Variants in LRRC4C observed in about 807,000 individuals in gnomAD.
LRRC4C encodes the protein leucine rich repeat containing 4C, also known as leucine-rich repeat-containing protein 4C.
A neutral mutation model predicts 33.6 loss-of-function variants in LRRC4C; 5 were observed. The observed-to-expected ratio is 0.15, with a 90% CI of 0.08 to 0.31. The LOEUF (loss-of-function observed/expected upper bound fraction) is 0.31. Ranked by LOEUF, LRRC4C falls within the 10% of genes least tolerant of loss-of-function variation. The pLI, the probability that LRRC4C is intolerant of heterozygous loss-of-function variation, is 1.00. For missense variants in LRRC4C, 560 were observed against 796.7 expected, an observed-to-expected ratio of 0.70 and a Z score of 3.58; for synonymous variants, 329 against 302.0, an observed-to-expected ratio of 1.09 and a Z score of -0.93.
At chr11:41,006,673 AAAG>A (rs1349196215) in intron 1 of LRRC4C, among the ~76,000 whole-genome samples, 6 of 152,216 alleles carry the variant, frequency 3.9e-5, no homozygotes, top group Admixed American at 1.3e-4. Context: ...GGAAAAGGAG[AAAG>A]AAGAGGCAGA....
intron 2 of LRRC4C, among the ~76,000 whole-genome samples, chr11:40,890,629 G>A (rs1049315887): frequency 1.3e-5 from 2 of 152,118 alleles, no homozygotes; most frequent in Non-Finnish European, 2.9e-5. Context: ...TGTCATTGGT[G>A]AGGAGACCAT....
At position 40,475,287 on chromosome 11, in the gene LRRC4C, TCA is replaced by T. The variant is rs1312164828; in HGVS notation, c.-269-155568_-269-155567del. 4.4e-4 allele frequency among the ~76,000 whole-genome samples: 67 copies of T among 152,274 alleles called. 1 individual carries two copies. The highest frequency in any genetic ancestry group is 1.5e-3 in the African/African-American group (64 of 41,554). ...TATGCAGCCATAAAAAAGGAAAAGT[TCA>T]TGTTTTTTGCAGGGAGATGGATGAA... On this transcript the variant is annotated intron_variant, in intron 3 of 6. Coordinates refer to ENST00000528697, the MANE Select transcript of LRRC4C (RefSeq NM_001258419.2).
At chr11:40,843,367 C>A (rs1235857378) in intron 2 of LRRC4C, among the ~76,000 whole-genome samples, 2 of 152,074 alleles carry the variant, frequency 1.3e-5, no homozygotes, top group Non-Finnish European at 2.9e-5. Context: ...TAGAATTATT[C>A]TTTCATTTCC....
At chr11:40,476,289 T>C (rs1044207587) in intron 3 of LRRC4C, among the ~76,000 whole-genome samples, 1 of 152,062 alleles carries the variant, frequency 6.6e-6, no homozygotes, top group Non-Finnish European at 1.5e-5. Context: ...AAAAGAGTCT[T>C]GACTAACATC....
At chr11:40,633,338 T>TTTCG (rs1353145100) in intron 3 of LRRC4C, among the ~76,000 whole-genome samples, 1 of 28,494 alleles carries the variant, frequency 3.5e-5, no homozygotes, top group East Asian at 1.1e-3. Flanking sequence ...TCTTTCTTTC[T>TTTCG]TTCTTTCTTT....
At chr11:40,131,458 A>G (rs1856638447) in intron 6 of LRRC4C, among the ~76,000 whole-genome samples, 1 of 152,200 alleles carries the variant, frequency 6.6e-6, no homozygotes, top group South Asian at 2.1e-4. Context: ...CCTAAATATT[A>G]CATCCAGAGT....
chr11:40,829,202 A>T (rs1952299019), intron 2 of LRRC4C, among the ~76,000 whole-genome samples: 1 of 152,034 alleles, frequency 6.6e-6, no homozygotes, highest in Non-Finnish European at 1.5e-5. Context: ...TACAATAAAG[A>T]GTACAAATTT....
chr11:41,432,333 A>G (rs937137978), intron 1 of LRRC4C, among the ~76,000 whole-genome samples: 2 of 152,180 alleles, frequency 1.3e-5, no homozygotes, highest in Non-Finnish European at 2.9e-5. Context: ...GAGGTAACAC[A>G]ATAGCTTGTA....
At chr11:41,071,793 C>T (rs938232524) in intron 1 of LRRC4C, among the ~76,000 whole-genome samples, 3 of 152,088 alleles carry the variant, frequency 2.0e-5, no homozygotes, top group African/African-American at 7.2e-5. Flanking sequence ...TGAAAACTTC[C>T]TGGAAAGGAT....
At chr11:41,002,642 A>C (rs1413633788) in intron 1 of LRRC4C, among the ~76,000 whole-genome samples, 1 of 152,192 alleles carries the variant, frequency 6.6e-6, no homozygotes, top group African/African-American at 2.4e-5. Flanking sequence ...CATGCTGAGC[A>C]ATTTAACAAT....
At chr11:40,858,952 T>G (rs560591340) in intron 2 of LRRC4C, among the ~76,000 whole-genome samples, 1 of 152,296 alleles carries the variant, frequency 6.6e-6, no homozygotes, top group East Asian at 1.9e-4. Context: ...TTAAATCTTT[T>G]AAATTCTTTG....
intron 3 of LRRC4C, among the ~76,000 whole-genome samples, chr11:40,629,761 C>G (rs1963290328): frequency 6.6e-6 from 1 of 152,126 alleles, no homozygotes; most frequent in Non-Finnish European, 1.5e-5. Context: ...CCACTGCTCA[C>G]AGCATTTTAA....
chr11:40,392,783 T>G (rs1363965859), intron 3 of LRRC4C, among the ~76,000 whole-genome samples: 1 of 152,144 alleles, frequency 6.6e-6, no homozygotes, highest in Non-Finnish European at 1.5e-5. Flanking sequence ...ATACCTACTA[T>G]GTATCATGTT....
intron 4 of LRRC4C, among the ~76,000 whole-genome samples, chr11:40,309,089 TC>T (rs1463680765): frequency 1.3e-5 from 2 of 152,210 alleles, no homozygotes; most frequent in Non-Finnish European, 2.9e-5. Context: ...TGTAGCATAT[TC>T]ACGGTTATGC....
chr11:40,630,341 CTT>C (rs1358344386), intron 3 of LRRC4C, among the ~76,000 whole-genome samples: 1 of 31,296 alleles, frequency 3.2e-5, no homozygotes, highest in Non-Finnish European at 9.4e-5. Flanking sequence ...TCTTCTTCTT[CTT>C]CTTCTTCTTC....
intron 1 of LRRC4C, among the ~76,000 whole-genome samples, chr11:41,265,902 C>G (rs934666129): frequency 6.6e-6 from 1 of 151,262 alleles, no homozygotes; most frequent in African/African-American, 2.4e-5. Flanking sequence ...TAATTACATT[C>G]TTTAATAGTC....
At chr11:40,781,070 C>T (rs1281457659) in intron 2 of LRRC4C, among the ~76,000 whole-genome samples, 1 of 152,096 alleles carries the variant, frequency 6.6e-6, no homozygotes, top group Non-Finnish European at 1.5e-5. Context: ...TAGCCTTCTA[C>T]ACACATAGAG....
chr11:40,406,220 C>T (rs2137591011), intron 3 of LRRC4C, among the ~76,000 whole-genome samples: 1 of 152,130 alleles, frequency 6.6e-6, no homozygotes, highest in African/African-American at 2.4e-5. Flanking sequence ...CTATTTTCTT[C>T]CTCCTTCTTC....
At chr11:40,744,766 T>A (rs1406514206) in intron 2 of LRRC4C, among the ~76,000 whole-genome samples, 1 of 152,126 alleles carries the variant, frequency 6.6e-6, no homozygotes, top group African/African-American at 2.4e-5. Flanking sequence ...ATGCTGTAAG[T>A]CCAAAACTAT....
Sources: gnomAD v4.1 joint callset for allele counts (sites outside exome capture counted in the v4.1 genomes callset) on GRCh38, gnomAD v4.1.1 for gene constraint, MANE v1.5 for transcripts, NCBI Gene and HGNC (gene_info 2026-07-23, HGNC 2026-07-21) for gene names.